WWOX: variants seen among roughly 807,000 people sequenced by gnomAD.
WWOX encodes WW domain-containing oxidoreductase.
Under a neutral mutation model 46.2 loss-of-function variants are expected in WWOX, and 69 were observed. The observed-to-expected ratio is 1.49, with a 90% CI of 1.23 to 1.82. WWOX has a LOEUF of 1.82. Ranked by LOEUF, WWOX falls within the 40% of genes most tolerant of loss-of-function variation. The pLI, the probability that WWOX is intolerant of heterozygous loss-of-function variation, is 0.00. For missense variants in WWOX, 919 were observed against 542.6 expected (o/e 1.69, Z -6.89); for synonymous variants, 359 against 202.6 (o/e 1.77, Z -6.56).
At chr16:79,206,096 C>A (rs1444811795) in intron 8 of WWOX, 1 of 152,118 alleles carries the variant, frequency 6.6e-6, no homozygotes, top group Admixed American at 6.5e-5. Context: ...AAATGGATAT[C>A]ATTTCAATTT....
intron 8 of WWOX, among the ~76,000 whole-genome samples, chr16:78,978,722 A>G (rs2046621176): frequency 6.6e-6 from 1 of 152,278 alleles, no homozygotes; most frequent in Admixed American, 6.5e-5. Flanking sequence ...GGGAGGCGCT[A>G]CACACTTTTC....
intron 8 of WWOX, among the ~76,000 whole-genome samples, chr16:78,441,771 A>C (rs1021943112): frequency 6.6e-6 from 1 of 152,136 alleles, no homozygotes; most frequent in African/African-American, 2.4e-5. Context: ...TAAGGCCTCT[A>C]CAGTGTGCTA....
At chr16:78,230,570 G>T (rs899322745) in intron 5 of WWOX, among the ~76,000 whole-genome samples, 3 of 152,186 alleles carry the variant, frequency 2.0e-5, no homozygotes, top group Admixed American at 2.0e-4. Context: ...TAACTTAAGT[G>T]GTTGATAAAA....
chr16:78,806,226 C>T (rs969503646), intron 8 of WWOX, among the ~76,000 whole-genome samples: 1 of 152,186 alleles, frequency 6.6e-6, no homozygotes, highest in South Asian at 2.1e-4. Flanking sequence ...TTTTTCCTCT[C>T]AGGATTTCTT....
At chr16:78,312,602 T>G (rs952999227) in intron 5 of WWOX, among the ~76,000 whole-genome samples, 4 of 152,186 alleles carry the variant, frequency 2.6e-5, no homozygotes, top group African/African-American at 9.7e-5. Flanking sequence ...GTCGAACTCC[T>G]GACCTGAGGT....
At chr16:78,661,830 A>T (rs1462362374) in intron 8 of WWOX, among the ~76,000 whole-genome samples, 1 of 152,328 alleles carries the variant, frequency 6.6e-6, no homozygotes, top group East Asian at 1.9e-4. Context: ...TGAGTCCAGG[A>T]GTTAGAGACC....
chr16:78,520,134 C>G (rs571336370), intron 8 of WWOX, among the ~76,000 whole-genome samples: 2 of 152,300 alleles, frequency 1.3e-5, no homozygotes, highest in South Asian at 2.1e-4. Flanking sequence ...CAATAACATC[C>G]TTGTTCGCAT....
intron 8 of WWOX, among the ~76,000 whole-genome samples, chr16:78,882,642 C>G (rs1031207225): frequency 2.6e-5 from 4 of 151,726 alleles, no homozygotes; most frequent in African/African-American, 9.7e-5. Context: ...TATGTGCTAC[C>G]GTGCCCAGCT....
At chr16:78,284,644 G>C (rs1014569548) in intron 5 of WWOX, among the ~76,000 whole-genome samples, 7 of 152,136 alleles carry the variant, frequency 4.6e-5, no homozygotes, top group Non-Finnish European at 8.8e-5. Context: ...ACAAACTTGA[G>C]CAGAGAAATC....
intron 8 of WWOX, among the ~76,000 whole-genome samples, chr16:78,912,906 T>A (rs770102058): frequency 6.6e-6 from 1 of 151,920 alleles, no homozygotes; most frequent in Non-Finnish European, 1.5e-5. Context: ...CACTATCCAT[T>A]AGCAAGAGAT....
intron 8 of WWOX, among the ~76,000 whole-genome samples, chr16:78,800,247 C>CAAA (rs35201990): frequency 6.8e-6 from 1 of 146,476 alleles, no homozygotes; most frequent in Non-Finnish European, 1.5e-5. Flanking sequence ...TGTTCCATGG[C>CAAA]AAAAAAAAAA....
intron 8 of WWOX, among the ~76,000 whole-genome samples, chr16:79,021,090 C>T (rs959623606): frequency 6.6e-6 from 1 of 152,290 alleles, no homozygotes; most frequent in South Asian, 2.1e-4. Flanking sequence ...AAAATGGAAT[C>T]TTTAATGCTA....
chr16:79,118,054 C>G (rs937619737), intron 8 of WWOX, among the ~76,000 whole-genome samples: 2 of 152,370 alleles, frequency 1.3e-5, no homozygotes, highest in South Asian at 4.1e-4. Flanking sequence ...GCCTGTTTGG[C>G]ACGAGATCTG....
intron 8 of WWOX, among the ~76,000 whole-genome samples, chr16:79,022,891 C>G (rs1185175277): frequency 6.6e-6 from 1 of 152,180 alleles, no homozygotes; most frequent in African/African-American, 2.4e-5. Context: ...CTGCAGGTTA[C>G]TTCTCTCCCC....
intron 8 of WWOX, among the ~76,000 whole-genome samples, chr16:78,828,101 A>G (rs1242852674): frequency 2.0e-5 from 3 of 152,148 alleles, no homozygotes; most frequent in Non-Finnish European, 4.4e-5. Flanking sequence ...TGAGGCCTTA[A>G]TGACACCCCT....
chr16:78,267,647 A>G (rs1453016442), intron 5 of WWOX, among the ~76,000 whole-genome samples: 1 of 152,074 alleles, frequency 6.6e-6, no homozygotes, highest in Non-Finnish European at 1.5e-5. Flanking sequence ...GAGCTGCAGG[A>G]CATCTGACAC....
chr16:78,313,077 A>C (rs1264817725), intron 5 of WWOX, among the ~76,000 whole-genome samples: 2 of 152,214 alleles, frequency 1.3e-5, no homozygotes, highest in Non-Finnish European at 2.9e-5. Flanking sequence ...CTTTTTCAAC[A>C]TCTGAGTACC....
At chr16:78,225,694 A>C (rs975210245) in intron 5 of WWOX, among the ~76,000 whole-genome samples, 3 of 152,202 alleles carry the variant, frequency 2.0e-5, no homozygotes, top group African/African-American at 7.2e-5. Flanking sequence ...CAGTTATTGC[A>C]ATAAGTTATT....
At chr16:78,541,749 C>T (rs1302066762) in intron 8 of WWOX, among the ~76,000 whole-genome samples, 1 of 151,926 alleles carries the variant, frequency 6.6e-6, no homozygotes, top group Admixed American at 6.6e-5. Flanking sequence ...ATAATACCCA[C>T]CTCCCAGGGT....
Sources: allele counts gnomAD v4.1 joint callset (sites outside exome capture counted in the v4.1 genomes callset), GRCh38; gene constraint gnomAD v4.1.1; transcripts MANE v1.5; gene names NCBI Gene and HGNC (gene_info 2026-07-23, HGNC 2026-07-21).